Variants in IRF2 observed in about 807,000 individuals in gnomAD.
The protein encoded by IRF2 is interferon regulatory factor 2.
A neutral mutation model predicts 40.6 loss-of-function variants in IRF2; 15 were observed. The ratio of observed to expected loss-of-function variants is 0.37; its 90% confidence interval spans 0.25 to 0.57. The LOEUF is 0.57. Ranked by LOEUF, IRF2 falls within the 20% of genes least tolerant of loss-of-function variation. IRF2 has a pLI of 0.77. For missense variants in IRF2, 317 were observed against 455.7 expected, an observed-to-expected ratio of 0.70 and a Z score of 2.77; for synonymous variants, 151 against 165.5, an observed-to-expected ratio of 0.91 and a Z score of 0.67.
At chr4:184,452,249 C>A (rs1738739092) in intron 1 of IRF2, among the ~76,000 whole-genome samples, 1 of 152,182 alleles carries the variant, frequency 6.6e-6, no homozygotes, top group African/African-American at 2.4e-5. Context: ...GGCTGGCTCT[C>A]CAAAGTGACC....
chr4:184,437,804 G>C (rs992582183), intron 1 of IRF2, among the ~76,000 whole-genome samples: 1 of 148,162 alleles, frequency 6.7e-6, no homozygotes, highest in African/African-American at 2.5e-5. Context: ...TACTGCTCTG[G>C]GTCAGGACAG....
chr4:184,417,640 G>A (rs1324459805), intron 5 of IRF2, among the ~76,000 whole-genome samples: 1 of 152,254 alleles, frequency 6.6e-6, no homozygotes, highest in African/African-American at 2.4e-5. Context: ...TGTGGGGTGT[G>A]AGAGATGATT....
At chr4:184,471,771 A>G (rs1739521600) in intron 1 of IRF2, among the ~76,000 whole-genome samples, 1 of 152,220 alleles carries the variant, frequency 6.6e-6, no homozygotes, top group African/African-American at 2.4e-5. Context: ...ACCATTGTTC[A>G]TAAGGCTGTC....
In IRF2 at chr4:184,388,680, G is replaced by C; in HGVS notation, c.*78C>G. ...TTAGATTTGTCTAAAATAGGTGTCA[G>C]AGAGAAAAAAATAAAATACAAACAA... On this transcript the variant is annotated 3_prime_UTR_variant, in exon 9 of 9. Transcript: ENST00000393593. This position sits in a 1 kb window ranked among gnomAD's most constrained non-coding sequence, Gnocchi z 4.6. 1 of 1,442,812 alleles carries C rather than the reference G, an allele frequency of 6.9e-7. No homozygotes were observed. The highest frequency in any genetic ancestry group is 1.4e-5 in the African/African-American group (1 of 69,730). 89.4% of individuals were successfully genotyped at this position (1,442,812 alleles called of 1,614,324 possible). A position where few individuals can be genotyped will look rare whatever the true frequency, so the allele number is the denominator to read the frequency against.
At chr4:184,433,273 T>A (rs3756098) in intron 1 of IRF2, among the ~76,000 whole-genome samples, 42,656 of 152,136 alleles carry the variant, frequency 0.28, 6,669 homozygotes, top group South Asian at 0.43. Flanking sequence ...GTGGTCTGCA[T>A]CTCTGACAAG....
Position 184,404,958 on chromosome 4 carries a change from A to T in IRF2, c.529+3200T>A, listed in dbSNP as rs111697386. On this transcript the variant is annotated intron_variant, in intron 6 of 8. Coordinates refer to ENST00000393593, the MANE Select transcript of IRF2 (RefSeq NM_002199.4). Reference sequence around the variant, plus strand: ...GGATGTATCCCAGTAAAAACTCAGTAGAGGCCAGGCGCGGTGGCTCACACC... The same window carrying T: ...GGATGTATCCCAGTAAAAACTCAGTTGAGGCCAGGCGCGGTGGCTCACACC... Among the ~76,000 whole-genome samples the T allele has an allele frequency of 1.5e-3, 231 of 152,266 alleles. 1 individual carries two copies. The highest frequency in any genetic ancestry group is 5.3e-3 in the African/African-American group (221 of 41,566).
At position 184,392,027 on chromosome 4, in the gene IRF2, G is replaced by A. The variant is rs188577307; in HGVS notation, c.695-1278C>T. 4.3e-4 allele frequency among the ~76,000 whole-genome samples: 66 copies of A among 152,316 alleles called. No individual in the cohort carries two copies. The East Asian group carries it at 9.6e-3, about 22-fold the overall frequency. ...CACAACAGGCTGGATTAATGGAATC[G>A]AAGTCTAGTGATTACACATGACCTA... is the stretch of plus-strand genomic sequence containing the variant. On this transcript the variant is annotated intron_variant, in intron 7 of 8. Transcript: ENST00000393593.
chr4:184,443,362 A>G (rs1335966073), intron 1 of IRF2, among the ~76,000 whole-genome samples: 1 of 152,086 alleles, frequency 6.6e-6, no homozygotes, highest in Non-Finnish European at 1.5e-5. Flanking sequence ...CCCTTGCCCT[A>G]CTTCCTCTCT....
chr4:184,425,979 TTTG>T (rs556579142), intron 2 of IRF2, among the ~76,000 whole-genome samples: 5 of 7,670 alleles, frequency 6.5e-4, no homozygotes, highest in Admixed American at 5.4e-3. Context: ...CACTCCGGTT[TTTG>T]TTTGTTTGTT....
intron 5 of IRF2, among the ~76,000 whole-genome samples, chr4:184,416,667 C>A (rs937940756): frequency 4.6e-5 from 7 of 152,062 alleles, no homozygotes; most frequent in Non-Finnish European, 8.8e-5. Flanking sequence ...AATATATATA[C>A]TGAACTATTA....
intron 1 of IRF2, among the ~76,000 whole-genome samples, chr4:184,461,401 A>G (rs1739139643): frequency 6.6e-6 from 1 of 152,192 alleles, no homozygotes; most frequent in South Asian, 2.1e-4. Flanking sequence ...CACAGGGCCC[A>G]TGGAAGAACT....
At chr4:184,395,137 C>T (rs764832616) in intron 7 of IRF2, among the ~76,000 whole-genome samples, 7 of 151,730 alleles carry the variant, frequency 4.6e-5, no homozygotes, top group East Asian at 1.9e-4. Context: ...GCATGCCGGG[C>T]GCGGTGGCTC....
intron 1 of IRF2, among the ~76,000 whole-genome samples, chr4:184,468,619 A>G (rs1419695076): frequency 6.6e-6 from 1 of 152,236 alleles, no homozygotes; most frequent in African/African-American, 2.4e-5. Context: ...GCTTTTTAAA[A>G]TGTGGAAAGA....
At chr4:184,389,184 C>G (rs1487983576) in intron 8 of IRF2, 118 bp from the exon 9 acceptor site, 3 of 989,056 alleles carry the variant, frequency 3.0e-6, no homozygotes, top group East Asian at 4.9e-5. Flanking sequence ...CTTTGGGAGG[C>G]TGAGGCTGGA....
chr4:184,451,423 C>T (rs1324838255), intron 1 of IRF2, among the ~76,000 whole-genome samples: 1 of 152,206 alleles, frequency 6.6e-6, no homozygotes, highest in Non-Finnish European at 1.5e-5. Context: ...ATGATGCACT[C>T]AGCATTAAAC....
intron 6 of IRF2, chr4:184,407,220 ATGC>A (rs1302845140): frequency 7.8e-7 from 1 of 1,289,350 alleles, no homozygotes; most frequent in African/African-American, 1.5e-5. Flanking sequence ...ACAATTCAGC[ATGC>A]TGCTGGCTTC....
chr4:184,425,420 C>T (rs1332590986), intron 2 of IRF2, among the ~76,000 whole-genome samples: 1 of 152,246 alleles, frequency 6.6e-6, no homozygotes, highest in Admixed American at 6.5e-5. Context: ...TGGCAGTGCC[C>T]ATGTGCACGA....
intron 1 of IRF2, among the ~76,000 whole-genome samples, chr4:184,457,727 G>T (rs562970542): frequency 1.3e-5 from 2 of 152,024 alleles, no homozygotes; most frequent in Non-Finnish European, 2.9e-5. Flanking sequence ...AAATGCACAC[G>T]CCTCAGAGCT....
chr4:184,398,149 T>C (rs1196392064), intron 7 of IRF2, among the ~76,000 whole-genome samples: 1 of 152,210 alleles, frequency 6.6e-6, no homozygotes, highest in Non-Finnish European at 1.5e-5. Context: ...GGTCAAGTCC[T>C]GGCCCAAACA....
Sources: allele counts gnomAD v4.1 joint callset (sites outside exome capture counted in the v4.1 genomes callset), GRCh38; gene constraint gnomAD v4.1.1; non-coding constraint Gnocchi (gnomAD v3.1); transcripts MANE v1.5; gene names NCBI Gene and HGNC (gene_info 2026-07-23, HGNC 2026-07-21).